The following SUPT3H variants were observed in gnomAD, a reference collection of about 807,000 sequenced individuals.
The protein encoded by SUPT3H is transcription initiation protein SPT3 homolog.
In SUPT3H, 44 loss-of-function variants were observed where a neutral mutation model predicts 44.3. The ratio of observed to expected loss-of-function variants is 0.99; its 90% CI spans 0.78 to 1.28. SUPT3H has a LOEUF of 1.28. SUPT3H is among the 50% of genes most tolerant of loss of function. The pLI is 0.00. For synonymous variants in SUPT3H, 124 were observed against 125.6 expected, an observed-to-expected ratio of 0.99 and a Z score of 0.09; for missense variants, 380 against 387.1, an observed-to-expected ratio of 0.98 and a Z score of 0.15.
At chr6:45,066,229 G>A (rs367905211) in intron 3 of SUPT3H, among the ~76,000 whole-genome samples, 3 of 151,932 alleles carry the variant, frequency 2.0e-5, no homozygotes, top group South Asian at 2.1e-4. Context: ...ATCTCAATAG[G>A]TGCAGAAAAA....
intron 2 of SUPT3H, among the ~76,000 whole-genome samples, chr6:45,335,861 C>T (rs530827314): frequency 1.3e-5 from 2 of 151,350 alleles, no homozygotes; most frequent in South Asian, 2.1e-4. Flanking sequence ...TAAAGCATTT[C>T]GGTAATTCAG....
At chr6:45,317,327 C>A (rs2150018906) in intron 2 of SUPT3H, among the ~76,000 whole-genome samples, 1 of 151,162 alleles carries the variant, frequency 6.6e-6, no homozygotes, top group East Asian at 1.9e-4. Flanking sequence ...TGACACTTTC[C>A]ACAGAAACAG....
intron 6 of SUPT3H, among the ~76,000 whole-genome samples, chr6:44,994,928 G>GTT (rs565947320): frequency 6.9e-6 from 1 of 144,034 alleles, no homozygotes; most frequent in African/African-American, 2.5e-5. Context: ...GTTTGAATTG[G>GTT]TTTTTTTTTT....
intron 2 of SUPT3H, among the ~76,000 whole-genome samples, chr6:45,197,134 C>T (rs1032822223): frequency 1.3e-5 from 2 of 151,576 alleles, no homozygotes; most frequent in African/African-American, 4.8e-5. Context: ...ATTGCTACTA[C>T]ATATTTAAAT....
chr6:45,254,484 C>T (rs1773001081), intron 2 of SUPT3H, among the ~76,000 whole-genome samples: 1 of 152,116 alleles, frequency 6.6e-6, no homozygotes, highest in East Asian at 1.9e-4. Flanking sequence ...AACACACACA[C>T]ACATTAGTAT....
Position 45,092,650 on chromosome 6 carries a change from C to T in SUPT3H, c.186+13272G>A, listed in dbSNP as rs560534707. ...CTGTAATCCCAGCTACTTGGGGGAC[C>T]GAGGCAGGAGAATTACTTGAACCTG... On this transcript the variant is annotated intron_variant, in intron 3 of 10. Transcript: ENST00000371459. Among the ~76,000 whole-genome samples, 77 of 148,932 alleles carry T rather than the reference C, an allele frequency of 5.2e-4. 1 individual carries two copies. Among genetic ancestry groups the T allele is most frequent in the African/African-American group, 1.8e-3 (73 of 40,106 alleles).
chr6:45,037,736 G>A (rs2099269914), intron 3 of SUPT3H, among the ~76,000 whole-genome samples: 1 of 149,866 alleles, frequency 6.7e-6, no homozygotes, highest in African/African-American at 2.4e-5. Flanking sequence ...AAATAAAAGG[G>A]GTAGTTTATT....
chr6:45,294,679 A>C (rs1210990683), intron 2 of SUPT3H, among the ~76,000 whole-genome samples: 1 of 145,100 alleles, frequency 6.9e-6, no homozygotes, highest in East Asian at 2.1e-4. Flanking sequence ...TCTGTACACC[A>C]ACAGTGACCA....
intron 6 of SUPT3H, among the ~76,000 whole-genome samples, chr6:44,998,288 A>G (rs1477340829): frequency 1.3e-5 from 2 of 151,898 alleles, no homozygotes; most frequent in East Asian, 3.9e-4. Context: ...AAAATTTGTC[A>G]TTTCTTTGAG....
chr6:45,096,106 G>A (rs1797748152), intron 3 of SUPT3H, among the ~76,000 whole-genome samples: 1 of 152,050 alleles, frequency 6.6e-6, no homozygotes. Flanking sequence ...ACAGTAAAAA[G>A]TAAATATTAG....
intron 2 of SUPT3H, among the ~76,000 whole-genome samples, chr6:45,146,873 T>C (rs986375915): frequency 3.3e-5 from 5 of 151,998 alleles, no homozygotes; most frequent in Admixed American, 3.3e-4. Flanking sequence ...TCCAGAGCAA[T>C]GGTAGGAAAA....
intron 4 of SUPT3H, among the ~76,000 whole-genome samples, chr6:45,019,068 A>C (rs1032363338): frequency 6.6e-6 from 1 of 152,172 alleles, no homozygotes; most frequent in Admixed American, 6.6e-5. Context: ...TTCCTGGTTT[A>C]GTCTTGGGAG....
rs1192978879 is a variant in SUPT3H, at chr6:44,953,323, T to C, written c.788A>G (p.His263Arg). Residue 263 changes from histidine (H) to arginine (R), a missense_variant, in exon 9 of 11, where the codon CAC becomes CGC. Physicochemically the swap from His to Arg is conservative, Grantham distance 29 (BLOSUM62 0). Transcript: ENST00000371459. ...TTTTGTACTTACCTCAGCAGAGTTGTGATACTGAATGAAGGTTGCAGAAAT... is the reference window on the plus strand; with the variant it reads ...TTTTGTACTTACCTCAGCAGAGTTGCGATACTGAATGAAGGTTGCAGAAAT... ...HAISATFIQY[H>R]NSAESTAACG... 1 of 1,613,966 alleles carries C rather than the reference T, an allele frequency of 6.2e-7. No individual in the cohort carries two copies. Among genetic ancestry groups the C allele is most frequent in the South Asian group, 1.1e-5 (1 of 91,070 alleles).
At chr6:44,869,810 C>G (rs1456720544) in intron 10 of SUPT3H, among the ~76,000 whole-genome samples, 2 of 152,120 alleles carry the variant, frequency 1.3e-5, no homozygotes, top group African/African-American at 4.8e-5. Flanking sequence ...TTTATTTTCA[C>G]TCATTCACTC....
chr6:45,102,880 A>G (rs1798777057), intron 3 of SUPT3H, among the ~76,000 whole-genome samples: 1 of 151,982 alleles, frequency 6.6e-6, no homozygotes, highest in Admixed American at 6.6e-5. Flanking sequence ...TGGAGATTGT[A>G]GTGAGCCGAG....
At chr6:45,318,340 G>C (rs1047342885) in intron 2 of SUPT3H, among the ~76,000 whole-genome samples, 1 of 152,018 alleles carries the variant, frequency 6.6e-6, no homozygotes, top group Non-Finnish European at 1.5e-5. Context: ...TTTGGAGACA[G>C]GACATTATAC....
chr6:45,154,899 G>A (rs1031982678), intron 2 of SUPT3H, among the ~76,000 whole-genome samples: 3 of 152,112 alleles, frequency 2.0e-5, no homozygotes, highest in African/African-American at 7.2e-5. Flanking sequence ...AGGGCAAAGG[G>A]GAAGCTCTCC....
chr6:44,915,200 T>C (rs1189405130), intron 10 of SUPT3H, among the ~76,000 whole-genome samples: 2 of 152,176 alleles, frequency 1.3e-5, no homozygotes, highest in South Asian at 2.1e-4. Context: ...AGAGAGTTTG[T>C]TCATATAACA....
At chr6:45,036,814 AGAT>A (rs1373151869) in intron 3 of SUPT3H, among the ~76,000 whole-genome samples, 3 of 152,148 alleles carry the variant, frequency 2.0e-5, no homozygotes, top group African/African-American at 7.2e-5. Context: ...CCAAGTAAGA[AGAT>A]GACTTTTCAT....
Sources: gnomAD v4.1 joint callset for allele counts (sites outside exome capture counted in the v4.1 genomes callset) on GRCh38, gnomAD v4.1.1 for gene constraint, MANE v1.5 for transcripts, NCBI Gene and HGNC (gene_info 2026-07-23, HGNC 2026-07-21) for gene names.